CELF2: variants seen among roughly 807,000 people sequenced by gnomAD.
CELF2 encodes CUG triplet repeat RNA-binding protein 2.
CELF2 carries 8 observed loss-of-function variants against 62.6 expected under a neutral mutation model. The ratio of observed to expected loss-of-function variants is 0.13; its 90% confidence interval spans 0.07 to 0.23. CELF2 has a LOEUF of 0.23. Ranked by LOEUF, CELF2 falls within the 10% of genes least tolerant of loss-of-function variation. The pLI, the probability that CELF2 is intolerant of heterozygous loss-of-function variation, is 1.00. For synonymous variants in CELF2, 258 were observed against 250.0 expected, an observed-to-expected ratio of 1.03 and a Z score of -0.30; for missense variants, 333 against 671.0, an observed-to-expected ratio of 0.50 and a Z score of 5.56.
At chr10:10,680,168 T>C in the CELF2 span, among the ~76,000 whole-genome samples, 1 of 152,142 alleles carries the variant, frequency 6.6e-6, no homozygotes, top group South Asian at 2.1e-4. Flanking sequence ...TATGTATGTA[T>C]GTATGTATGT....
intron 1 of CELF2, among the ~76,000 whole-genome samples, chr10:10,857,868 A>G (rs979779659): frequency 4.6e-5 from 7 of 151,654 alleles, no homozygotes; most frequent in African/African-American, 1.7e-4. Flanking sequence ...TGAACACACA[A>G]TGAAGTAACA....
intron 8 of CELF2, among the ~76,000 whole-genome samples, chr10:11,276,552 A>G (rs2086196745): frequency 6.6e-6 from 1 of 152,236 alleles, no homozygotes; most frequent in Non-Finnish European, 1.5e-5. Flanking sequence ...TTAAAAGAGA[A>G]AACCTCCTGA....
At chr10:10,588,469 G>A in the CELF2 span, among the ~76,000 whole-genome samples, 15 of 152,246 alleles carry the variant, frequency 9.9e-5, no homozygotes, top group South Asian at 8.3e-4. Context: ...ATTAAAGGGC[G>A]TATTGGGATT....
At chr10:11,288,761 A>G (rs2091954029) in intron 9 of CELF2, among the ~76,000 whole-genome samples, 1 of 152,256 alleles carries the variant, frequency 6.6e-6, no homozygotes, top group African/African-American at 2.4e-5. Context: ...AATATGCAAA[A>G]AAGTTTTCAG....
chr10:10,862,501 G>A (rs943884488), intron 1 of CELF2, among the ~76,000 whole-genome samples: 14 of 152,170 alleles, frequency 9.2e-5, no homozygotes, highest in Non-Finnish European at 2.9e-5. Context: ...GTACCTGATT[G>A]GTTCACCCCA....
chr10:10,669,723 T>C, the CELF2 span, among the ~76,000 whole-genome samples: 1 of 152,176 alleles, frequency 6.6e-6, no homozygotes, highest in Admixed American at 6.5e-5. Flanking sequence ...TTACTGACAC[T>C]GCTAACGCTC....
chr10:10,567,395 G>C, the CELF2 span, among the ~76,000 whole-genome samples: 1 of 152,148 alleles, frequency 6.6e-6, no homozygotes, highest in Non-Finnish European at 1.5e-5. Flanking sequence ...GGGGAAGCTA[G>C]CTCTAAACTA....
chr10:10,576,732 C>T, the CELF2 span, among the ~76,000 whole-genome samples: 1 of 152,216 alleles, frequency 6.6e-6, no homozygotes, highest in Admixed American at 6.5e-5. Flanking sequence ...ATTCTATCCA[C>T]TCTGATCTTC....
chr10:11,041,764 CATT>C (rs2061887426), intron 1 of CELF2, among the ~76,000 whole-genome samples: 1 of 152,186 alleles, frequency 6.6e-6, no homozygotes, highest in African/African-American at 2.4e-5. Flanking sequence ...CAGGACATAA[CATT>C]AATCCCTGTG....
intron 1 of CELF2, among the ~76,000 whole-genome samples, chr10:11,104,722 T>C (rs17149533): frequency 0.12 from 17,977 of 152,242 alleles, 1,842 homozygotes; most frequent in African/African-American, 0.28. Context: ...AGAAAAATGT[T>C]CACTAAATGC....
At chr10:10,668,722 C>T in the CELF2 span, among the ~76,000 whole-genome samples, 1 of 152,206 alleles carries the variant, frequency 6.6e-6, no homozygotes, top group East Asian at 1.9e-4. Context: ...CTTTGGGAGG[C>T]CGAGGTGGGG....
At chr10:10,747,913 C>T in the CELF2 span, among the ~76,000 whole-genome samples, 229 of 152,202 alleles carry the variant, frequency 1.5e-3, no homozygotes, top group African/African-American at 5.2e-3. Context: ...GGTTTCACCA[C>T]TGTGGTGAAA....
At chr10:10,840,106 C>T (rs955714955) in intron 1 of CELF2, among the ~76,000 whole-genome samples, 1 of 152,164 alleles carries the variant, frequency 6.6e-6, no homozygotes, top group Non-Finnish European at 1.5e-5. Flanking sequence ...TCTCCATTCA[C>T]CTGTTGAAGG....
chr10:10,733,876 G>C, the CELF2 span, among the ~76,000 whole-genome samples: 4 of 152,154 alleles, frequency 2.6e-5, no homozygotes, highest in African/African-American at 9.7e-5. Context: ...AGGACAAACT[G>C]TGTCAGGGCC....
At chr10:11,044,249 T>C (rs2062399252) in intron 1 of CELF2, among the ~76,000 whole-genome samples, 1 of 152,228 alleles carries the variant, frequency 6.6e-6, no homozygotes, top group South Asian at 2.1e-4. Flanking sequence ...TTCCGTATTG[T>C]CTACTGGGAT....
chr10:10,539,891 T>G, the CELF2 span, among the ~76,000 whole-genome samples: 87 of 152,352 alleles, frequency 5.7e-4, no homozygotes, highest in African/African-American at 2.0e-3. Context: ...GCATAGGGCA[T>G]CTTTTCTAGA....
At chr10:10,479,034 G>A in the CELF2 span, among the ~76,000 whole-genome samples, 5 of 152,100 alleles carry the variant, frequency 3.3e-5, no homozygotes, top group Non-Finnish European at 5.9e-5. Context: ...TCGCTTGTCT[G>A]CTCTGATTTT....
At chr10:10,750,322 C>G in the CELF2 span, among the ~76,000 whole-genome samples, 2 of 151,828 alleles carry the variant, frequency 1.3e-5, no homozygotes, top group Non-Finnish European at 2.9e-5. Flanking sequence ...CACTAATTCT[C>G]CATCACTGAA....
chr10:11,078,384 T>G (rs934006988), intron 1 of CELF2, among the ~76,000 whole-genome samples: 2 of 152,222 alleles, frequency 1.3e-5, no homozygotes, highest in Admixed American at 1.3e-4. Context: ...ATGAATTCAC[T>G]GCTTTTCCAG....
Sources: gnomAD v4.1 joint callset for allele counts (sites outside exome capture counted in the v4.1 genomes callset) on GRCh38, gnomAD v4.1.1 for gene constraint, MANE v1.5 for transcripts, NCBI Gene and HGNC (gene_info 2026-07-23, HGNC 2026-07-21) for gene names.